The following GSR variants were observed in gnomAD, a reference collection of about 807,000 sequenced individuals.
GSR encodes the protein glutathione-disulfide reductase.
GSR carries 48 observed loss-of-function variants against 56.5 expected under a neutral mutation model. The observed-to-expected ratio is 0.85, with a 90% CI of 0.67 to 1.08. The LOEUF (loss-of-function observed/expected upper bound fraction) is 1.08. GSR is among the 50% of genes least tolerant of loss of function. GSR has a pLI of 0.00. For synonymous variants in GSR, 264 were observed against 270.8 expected (o/e 0.97, Z 0.25); for missense variants, 694 against 703.3 (o/e 0.99, Z 0.15).
chr8:30,681,954 TA>T lies in GSR; in HGVS notation c.1260del (p.Ile421LeufsTer17). On this transcript the variant is annotated frameshift_variant, in exon 11 of 13. Transcript: ENST00000221130. LOFTEE classifies it high-confidence loss of function. ...CCTTCCGTGAGTCCCACTGTCCCAA[TA>T]GGGGGGTGGCTGAAGACCACAGTTG... ...NIPTVVFSHP[P>X]IGTVGLTEDE... 1 of 1,613,216 alleles carries T rather than the reference TA, an allele frequency of 6.2e-7. No individual in the cohort carries two copies. Among genetic ancestry groups the T allele is most frequent in the Non-Finnish European group, 8.5e-7 (1 of 1,179,150 alleles).
intron 7 of GSR, among the ~76,000 whole-genome samples, chr8:30,694,936 G>A (rs1803496967): frequency 1.3e-5 from 2 of 151,218 alleles, no homozygotes; most frequent in Non-Finnish European, 2.9e-5. Flanking sequence ...GGGCATGGTG[G>A]CCCACACCTG....
chr8:30,712,925 T>G (rs1007975810), intron 1 of GSR, among the ~76,000 whole-genome samples: 1 of 152,228 alleles, frequency 6.6e-6, no homozygotes, highest in Non-Finnish European at 1.5e-5. Flanking sequence ...ATGCACAGAT[T>G]ATCATGTTAT....
chr8:30,718,634 A>C (rs1015485226), intron 1 of GSR, among the ~76,000 whole-genome samples: 27 of 152,172 alleles, frequency 1.8e-4, no homozygotes, highest in African/African-American at 5.8e-4. Context: ...GAGCATTATC[A>C]GATGAGTTCT....
chr8:30,702,717 A>T (rs1229607493), intron 5 of GSR, among the ~76,000 whole-genome samples: 1 of 152,172 alleles, frequency 6.6e-6, no homozygotes, highest in Non-Finnish European at 1.5e-5. Context: ...TGGGTGGATC[A>T]CCTGAGGTCA....
At chr8:30,708,353 A>C (rs751051441) in intron 3 of GSR, among the ~76,000 whole-genome samples, 3 of 152,178 alleles carry the variant, frequency 2.0e-5, no homozygotes, top group African/African-American at 4.8e-5. Context: ...TGGAGAACAC[A>C]CTCAGTTGGC....
chr8:30,716,015 G>T (rs1804322136), intron 1 of GSR, among the ~76,000 whole-genome samples: 1 of 152,062 alleles, frequency 6.6e-6, no homozygotes, highest in African/African-American at 2.4e-5. Context: ...TGTTTTTTTA[G>T]AAGTTTCTGC....
chr8:30,700,594 C>T (rs1301781013), intron 5 of GSR, among the ~76,000 whole-genome samples: 4 of 151,616 alleles, frequency 2.6e-5, no homozygotes, highest in African/African-American at 4.8e-5. Context: ...CATGGTGGCA[C>T]GCACCTATAG....
At chr8:30,725,486 G>A (rs1804694359) in intron 1 of GSR, among the ~76,000 whole-genome samples, 1 of 152,006 alleles carries the variant, frequency 6.6e-6, no homozygotes, top group South Asian at 2.1e-4. Flanking sequence ...CTTGAACCCA[G>A]GAGGCGGAGG....
chr8:30,710,618 G>A (rs1259247517), intron 2 of GSR, among the ~76,000 whole-genome samples: 1 of 146,630 alleles, frequency 6.8e-6, no homozygotes, highest in Non-Finnish European at 1.5e-5. Context: ...TACTTGTGCT[G>A]AGGCAGGAGA....
intron 3 of GSR, among the ~76,000 whole-genome samples, chr8:30,708,678 C>T (rs555318216): frequency 8.5e-5 from 13 of 152,200 alleles, no homozygotes; most frequent in South Asian, 8.3e-4. Context: ...AAAAACAGGC[C>T]GGGCGCGGTG....
At chr8:30,719,419 T>G (rs1804454956) in intron 1 of GSR, among the ~76,000 whole-genome samples, 1 of 151,606 alleles carries the variant, frequency 6.6e-6, no homozygotes. Context: ...CCTGGCCAAT[T>G]TTTGAATTTT....
At chr8:30,683,216 C>T (rs572772979) in intron 10 of GSR, among the ~76,000 whole-genome samples, 1 of 152,254 alleles carries the variant, frequency 6.6e-6, no homozygotes, top group Admixed American at 6.5e-5. Flanking sequence ...CCAACTTCAG[C>T]CTCTGAAAGT....
intron 4 of GSR, among the ~76,000 whole-genome samples, chr8:30,706,383 G>C (rs113635299): frequency 0.015 from 2,341 of 151,828 alleles, 51 homozygotes; most frequent in African/African-American, 0.053. Context: ...CGTGCCTGTA[G>C]TCCCAGCTAC....
At chr8:30,685,140 T>A (rs1219563041) in intron 9 of GSR, among the ~76,000 whole-genome samples, 1 of 151,982 alleles carries the variant, frequency 6.6e-6, no homozygotes. Context: ...TTTTGTATTT[T>A]TAGTAGAGAC....
In GSR at chr8:30,678,512, C is replaced by T. The variant is rs1462294380; in HGVS notation, c.*1008G>A. 6.6e-6 allele frequency: 1 copy of T among 151,838 alleles called. No individual in the cohort carries two copies. The highest frequency in any genetic ancestry group is 1.9e-4 in the East Asian group (1 of 5,180). 9.4% of individuals were successfully genotyped at this position (151,838 alleles called of 1,614,324 possible). On this transcript the variant is annotated 3_prime_UTR_variant, in exon 13 of 13. Transcript: ENST00000221130. The stretch of plus-strand genomic sequence containing the variant: ...AGTAGCTGAGATTACAGATGCACAT[C>T]ACCACACTCGGGTAATTTTTTTTAC...
chr8:30,703,054 T>A (rs747574902), intron 5 of GSR, 39 bp downstream of exon 5: 2 of 1,605,232 alleles, frequency 1.2e-6, no homozygotes, highest in East Asian at 4.5e-5. Flanking sequence ...AACAGTAAAC[T>A]CCTGACTGCT....
At chr8:30,705,204 T>C (rs528561323) in intron 4 of GSR, among the ~76,000 whole-genome samples, 1 of 151,438 alleles carries the variant, frequency 6.6e-6, no homozygotes, top group African/African-American at 2.4e-5. Context: ...GGCAGAAGGG[T>C]TGCTTGAGTC....
intron 9 of GSR, among the ~76,000 whole-genome samples, chr8:30,685,589 C>T (rs1803132970): frequency 6.6e-6 from 1 of 152,040 alleles, no homozygotes; most frequent in South Asian, 2.1e-4. Context: ...TTTAAGAAGA[C>T]ATGTTATGCT....
intron 5 of GSR, among the ~76,000 whole-genome samples, chr8:30,700,721 TC>T (rs1803703354): frequency 6.9e-5 from 1 of 14,482 alleles, no homozygotes; most frequent in African/African-American, 1.8e-4. Flanking sequence ...AGATTTTGTC[TC>T]CAAAAAAAAA....
Sources: allele counts gnomAD v4.1 joint callset (sites outside exome capture counted in the v4.1 genomes callset), GRCh38; gene constraint gnomAD v4.1.1; transcripts MANE v1.5; gene names NCBI Gene and HGNC (gene_info 2026-07-23, HGNC 2026-07-21).